The following ACTN3 variants were observed in gnomAD, a reference collection of about 807,000 sequenced individuals.
The protein encoded by ACTN3 is alpha-actinin-3.
In ACTN3, 91 loss-of-function variants were observed where a neutral mutation model predicts 119.6. The ratio of observed to expected loss-of-function variants is 0.76; its 90% CI spans 0.64 to 0.91. The LOEUF (loss-of-function observed/expected upper bound fraction) is 0.91, where lower values mean the gene tolerates loss of function less well. ACTN3 is among the 40% of genes least tolerant of loss of function. The pLI, the probability that ACTN3 is intolerant of heterozygous loss-of-function variation, is 0.00. For synonymous variants in ACTN3, 456 were observed against 478.8 expected (o/e 0.95, Z 0.62); for missense variants, 1,221 against 1,215.1 (o/e 1.00, Z -0.07).
chr11:66,549,690 C>T (rs1364461859), intron 1 of ACTN3, among the ~76,000 whole-genome samples: 1 of 130,506 alleles, frequency 7.7e-6, no homozygotes, highest in Admixed American at 9.7e-5. Flanking sequence ...GAGATCGCAC[C>T]ATTGCACTCC....
chr11:66,547,069 G>C lies in ACTN3; in HGVS notation c.132G>C (p.Glu44Asp), dbSNP rs1418509985. Reference protein sequence around the residue: ...DRDLLLDPAWEKQQRKTFTAW... With the variant: ...DRDLLLDPAWDKQQRKTFTAW... ...ACCTGCTGCTGGACCCGGCCTGGGAGAAGCAGCAGCGGAAAGTGAGTGCTC... is the reference window on the plus strand; with the variant it reads ...ACCTGCTGCTGGACCCGGCCTGGGACAAGCAGCAGCGGAAAGTGAGTGCTC... Residue 44 changes from glutamate to aspartate, a missense_variant, in exon 1 of 21, where the codon GAG becomes GAC. Glu to Asp is a conservative substitution (Grantham distance 45). Coordinates refer to ENST00000513398, the MANE Select transcript of ACTN3 (RefSeq NM_001104.4). 6.6e-7 allele frequency: 1 copy of C among 1,509,570 alleles called. No individual in the cohort carries two copies. The highest frequency in any genetic ancestry group is 2.3e-5 in the East Asian group (1 of 43,636). 93.5% of individuals were successfully genotyped at this position (1,509,570 alleles called of 1,614,324 possible).
At chr11:66,560,843 A>C in intron 15 of ACTN3, 88 bp downstream of exon 15, 2 of 1,401,246 alleles carry the variant, frequency 1.4e-6, no homozygotes, top group South Asian at 2.7e-5. Context: ...ATGGAGAATA[A>C]AGTCCATCTT....
chr11:66,554,290 C>CAAAAAA (rs1857542492), intron 4 of ACTN3, 159 bp downstream of exon 4: 1 of 80,612 alleles, frequency 1.2e-5, no homozygotes, highest in Non-Finnish European at 2.1e-5. Flanking sequence ...CAAAAAATAC[C>CAAAAAA]AAAAAAAAAA....
rs764944862 is a variant in ACTN3 at position 66,557,742 on chromosome 11, G to A, written c.941G>A (p.Arg314His). The change falls in exon 10 of 21, where the codon CGT becomes CAT. Residue 314 changes from arginine (R) to histidine (H), a missense_variant. Physicochemically the swap from Arg to His is conservative, Grantham distance 29. Coordinates refer to ENST00000513398, the MANE Select transcript of ACTN3 (RefSeq NM_001104.4). Reference sequence around the variant, plus strand: ...CGCACTGTCCCATGGCTGGAGAACCGTGTGGGTGAGCCCAGCATGAGTGCC... The same window carrying A: ...CGCACTGTCCCATGGCTGGAGAACCATGTGGGTGAGCCCAGCATGAGTGCC... ...IRRTVPWLEN[R>H]VGEPSMSAMQ... 56 of 1,613,322 alleles carry A rather than the reference G, an allele frequency of 3.5e-5. No individual in the cohort carries two copies. Among genetic ancestry groups the A allele is most frequent in the South Asian group, 1.8e-4 (16 of 90,938 alleles).
At position 66,546,950 on chromosome 11, in the gene ACTN3, A is replaced by T; in HGVS notation, c.13A>T (p.Met5Leu). Residue 5 changes from methionine to leucine, a missense_variant, in exon 1 of 21, where the codon ATG becomes TTG. Physicochemically the swap from Met to Leu is conservative, Grantham distance 15. This residue lies in a region of ACTN3 where 239 missense variants were observed against 231.8 expected (regional missense o/e 1.03). Coordinates refer to ENST00000513398, the MANE Select transcript of ACTN3 (RefSeq NM_001104.4). ...GAGCCCGATCGAGATGATGATGGTTATGCAGCCCGAGGGTCTGGGGGCCGG... is the reference window on the plus strand; with the variant it reads ...GAGCCCGATCGAGATGATGATGGTTTTGCAGCCCGAGGGTCTGGGGGCCGG... MMMV[M>L]QPEGLGAGEG... 3 of 1,536,214 alleles carry T rather than the reference A, an allele frequency of 2.0e-6. No homozygotes were observed. The highest frequency in any genetic ancestry group is 2.6e-6 in the Non-Finnish European group (3 of 1,146,808).
chr11:66,559,097 G>A (rs1251808184), intron 11 of ACTN3, 139 bp from the exon 12 acceptor site: 2 of 884,350 alleles, frequency 2.3e-6, no homozygotes, highest in Non-Finnish European at 3.1e-6. Flanking sequence ...TTACACCGAC[G>A]CCGCAGAGCA....
chr11:66,552,888 A>T (rs545522154), intron 3 of ACTN3, among the ~76,000 whole-genome samples: 54,785 of 130,168 alleles, frequency 0.42, 11,530 homozygotes, highest in African/African-American at 0.56. Context: ...TCTCACACAC[A>T]CACACACACA....
intron 15 of ACTN3, 185 bp from the exon 16 acceptor site, chr11:66,561,042 C>G: frequency 2.9e-6 from 1 of 344,986 alleles, no homozygotes; most frequent in Non-Finnish European, 4.1e-6. Flanking sequence ...GCCATCAGCC[C>G]CATTTTGCAG....
intron 1 of ACTN3, among the ~76,000 whole-genome samples, chr11:66,547,679 C>T (rs1314446732): frequency 6.6e-6 from 1 of 152,188 alleles, no homozygotes; most frequent in African/African-American, 2.4e-5. Flanking sequence ...TCCCTACCCC[C>T]ATTCTTTCCC....
At chr11:66,546,463 C>A, upstream of ACTN3, 2 of 1,454,580 alleles carry the variant, frequency 1.4e-6, no homozygotes, top group South Asian at 2.5e-5. Context: ...TCCATCACCC[C>A]AGAAAACATG....
Position 66,551,363 on chromosome 11 carries a change from G to T in ACTN3, c.262+10G>T. On this transcript the variant is annotated intron_variant, in intron 2 of 20. Coordinates refer to ENST00000513398, the MANE Select transcript of ACTN3 (RefSeq NM_001104.4). Reference sequence around the variant, plus strand: ...CTGGAGGTCATTTCAGGTGAGGATGGCAAATCAGTGCACCTGGGCCCCAGG... The same window carrying T: ...CTGGAGGTCATTTCAGGTGAGGATGTCAAATCAGTGCACCTGGGCCCCAGG... 1 of 1,593,022 alleles carries T rather than the reference G, an allele frequency of 6.3e-7. No individual in the cohort carries two copies. The highest frequency in any genetic ancestry group is 8.6e-7 in the Non-Finnish European group (1 of 1,169,278).
Position 66,547,077 on chromosome 11 carries a change from A to G in ACTN3, c.140A>G (p.Gln47Arg), listed in dbSNP as rs765937894. ...CTGGACCCGGCCTGGGAGAAGCAGC[A>G]GCGGAAAGTGAGTGCTCGCCCATTT... ...LLLDPAWEKQQRKTFTAWCNS... is the reference protein window; with the variant it reads ...LLLDPAWEKQRRKTFTAWCNS... The change falls in exon 1 of 21, where the codon CAG becomes CGG. Residue 47 changes from glutamine to arginine, a missense_variant. Physicochemically the swap from Gln to Arg is conservative, Grantham distance 43 (BLOSUM62 1). Around this residue, in one of 3 missense-constraint regions of ACTN3, gnomAD observed 239 missense variants for 231.8 expected, o/e 1.03. Transcript: ENST00000513398. 7 of 1,507,082 alleles carry G rather than the reference A, an allele frequency of 4.6e-6. No individual in the cohort carries two copies. In the Admixed American group the frequency reaches 7.0e-5, roughly 15 times the overall value. 93.4% of individuals were successfully genotyped at this position (1,507,082 alleles called of 1,614,324 possible).
rs370647530 is a variant in ACTN3 at position 66,558,158 on chromosome 11, C to T, written c.1260C>T (p.His420=). 13 of 1,613,496 alleles carry T rather than the reference C, an allele frequency of 8.1e-6. No homozygotes were observed. The highest frequency in any genetic ancestry group is 1.3e-5 in the African/African-American group (1 of 75,052). The change falls in exon 11 of 21, where the codon CAC becomes CAT. Residue 420 remains histidine, a synonymous_variant. Transcript: ENST00000513398. The part of the protein sequence containing the change: ...AEKFRQKASL[H]EAWTRGKEEM... Reference sequence around the variant, plus strand: ...AGTTCCGGCAGAAGGCCTCCCTGCACGAAGCCTGGACCCGGGGTAGGTAGA... The same window carrying T: ...AGTTCCGGCAGAAGGCCTCCCTGCATGAAGCCTGGACCCGGGGTAGGTAGA...
rs1179597294 is a variant in ACTN3 at position 66,555,888 on chromosome 11, A to G, written c.719-257A>G. Among the ~76,000 whole-genome samples the G allele has an allele frequency of 2.6e-5, 4 of 152,158 alleles. No individual in the cohort carries two copies. The East Asian group carries it at 7.7e-4, about 29-fold the overall frequency. Reference sequence around the variant, plus strand: ...AGACAGCGTGGACCAGTCCCTCACGAGGGCCACAGTGGCTGCCCACTCACA... The same window carrying G: ...AGACAGCGTGGACCAGTCCCTCACGGGGGCCACAGTGGCTGCCCACTCACA... On this transcript the variant is annotated intron_variant, in intron 7 of 20. Transcript: ENST00000513398.
intron 1 of ACTN3, among the ~76,000 whole-genome samples, chr11:66,550,392 T>A (rs975368851): frequency 6.6e-6 from 1 of 152,086 alleles, no homozygotes; most frequent in African/African-American, 2.4e-5. Flanking sequence ...CCCTGTACCA[T>A]CCCTCCCATC....
chr11:66,547,397 G>A (rs936378439), intron 1 of ACTN3, among the ~76,000 whole-genome samples: 8 of 141,390 alleles, frequency 5.7e-5, no homozygotes, highest in African/African-American at 2.4e-4. Context: ...CCAAGTTAGG[G>A]GGGGTTCAGA....
chr11:66,560,540 C>A, intron 14 of ACTN3, 33 bp from the exon 15 acceptor site: 8 of 1,586,062 alleles, frequency 5.0e-6, no homozygotes, highest in South Asian at 1.2e-5. Flanking sequence ...AAGTGGGGGA[C>A]ACCAGCTGAC....
chr11:66,558,950 G>A, intron 11 of ACTN3: 2 of 334,792 alleles, frequency 6.0e-6, no homozygotes, highest in Non-Finnish European at 1.1e-5. Context: ...GCTCATGGGG[G>A]TTACAGAATC....
At chr11:66,556,051 C>T (rs1026322093) in intron 7 of ACTN3, 94 bp from the exon 8 acceptor site, 1 of 1,177,988 alleles carries the variant, frequency 8.5e-7, no homozygotes, top group African/African-American at 1.5e-5. Context: ...GTGGCCATGA[C>T]TGGATGCTTC....
Sources: gnomAD v4.1 joint callset for allele counts (sites outside exome capture counted in the v4.1 genomes callset) on GRCh38, gnomAD v4.1.1 for gene constraint, gnomAD v4.1.1 regional missense constraint, MANE v1.5 for transcripts, NCBI Gene and HGNC (gene_info 2026-07-23, HGNC 2026-07-21) for gene names.